The following TTC1 variants were observed in gnomAD, a reference collection of about 807,000 sequenced individuals.
The protein encoded by TTC1 is tetratricopeptide repeat protein 1.
TTC1 carries 31 observed loss-of-function variants against 37.6 expected under a neutral mutation model. The ratio of observed to expected loss-of-function variants is 0.82; its 90% CI spans 0.62 to 1.11. The LOEUF is 1.11. Ranked by LOEUF, TTC1 falls within the 50% of genes most tolerant of loss-of-function variation. The probability of loss-of-function intolerance (pLI) is 0.00; values close to 1 mark genes in which losing one functional copy is unlikely to be tolerated. For synonymous variants in TTC1, 127 were observed against 122.4 expected (o/e 1.04, Z -0.25); for missense variants, 351 against 339.0 (o/e 1.04, Z -0.28).
intron 2 of TTC1, 45 bp from the exon 3 acceptor site, chr5:160,035,093 TTA>T (rs1561630826): frequency 6.6e-7 from 1 of 1,522,060 alleles, no homozygotes; most frequent in East Asian, 2.4e-5. Flanking sequence ...TTTTGTTCAC[TTA>T]TAATAATATT....
intron 2 of TTC1, among the ~76,000 whole-genome samples, chr5:160,015,449 T>G (rs1756583786): frequency 6.6e-6 from 1 of 152,144 alleles, no homozygotes; most frequent in Non-Finnish European, 1.5e-5. Flanking sequence ...TCAAGCAATA[T>G]TCCCATCTCA....
intron 4 of TTC1, among the ~76,000 whole-genome samples, chr5:160,038,185 A>G (rs1757028962): frequency 6.6e-6 from 1 of 152,168 alleles, no homozygotes; most frequent in African/African-American, 2.4e-5. Flanking sequence ...ATTTTATAGT[A>G]TACAAACCAA....
chr5:160,046,523 C>G (rs980816799), intron 5 of TTC1, among the ~76,000 whole-genome samples: 1 of 152,052 alleles, frequency 6.6e-6, no homozygotes, highest in Non-Finnish European at 1.5e-5. Context: ...CCTAAGTGAT[C>G]TCATTCAGTT....
chr5:160,059,091 C>T (rs1245862225), intron 7 of TTC1, among the ~76,000 whole-genome samples: 1 of 152,182 alleles, frequency 6.6e-6, no homozygotes, highest in Non-Finnish European at 1.5e-5. Flanking sequence ...GCTGTATTAT[C>T]GCCTAACAAG....
chr5:160,021,365 A>G (rs1274081625), intron 2 of TTC1, among the ~76,000 whole-genome samples: 1 of 152,232 alleles, frequency 6.6e-6, no homozygotes, highest in Non-Finnish European at 1.5e-5. Context: ...GAAGAACTGA[A>G]TAGGAGGTTT....
At chr5:160,013,224 T>C (rs953224098) in intron 2 of TTC1, among the ~76,000 whole-genome samples, 1 of 152,188 alleles carries the variant, frequency 6.6e-6, no homozygotes, top group Non-Finnish European at 1.5e-5. Context: ...ACTACTCTTA[T>C]TAGGTGTTTG....
At chr5:160,011,096 T>C (rs1756494729) in intron 2 of TTC1, among the ~76,000 whole-genome samples, 1 of 152,262 alleles carries the variant, frequency 6.6e-6, no homozygotes, top group African/African-American at 2.4e-5. Context: ...TATGTTCATC[T>C]TGTACTTCAG....
At chr5:160,045,558 T>TCTCC (rs1359973493) in intron 5 of TTC1, among the ~76,000 whole-genome samples, 1 of 63,594 alleles carries the variant, frequency 1.6e-5, no homozygotes, top group African/African-American at 6.3e-5. Context: ...TCTCTCCCCC[T>TCTCC]CCCCTCTCTC....
intron 7 of TTC1, among the ~76,000 whole-genome samples, chr5:160,055,287 C>T (rs755401049): frequency 3.9e-5 from 6 of 152,312 alleles, no homozygotes; most frequent in African/African-American, 1.4e-4. Context: ...GATCTGTCAT[C>T]TCAGCTTATT....
intron 2 of TTC1, among the ~76,000 whole-genome samples, chr5:160,012,561 G>A (rs999391190): frequency 6.6e-6 from 1 of 151,920 alleles, no homozygotes; most frequent in African/African-American, 2.4e-5. Flanking sequence ...TAGAGACAGT[G>A]TCTCACCATG....
chr5:160,020,541 C>T (rs950608952), intron 2 of TTC1, among the ~76,000 whole-genome samples: 4 of 152,220 alleles, frequency 2.6e-5, no homozygotes, highest in Admixed American at 6.5e-5. Context: ...AGGAAGTGAG[C>T]AGCAGGCTAG....
At chr5:160,017,765 G>C (rs1369552746) in intron 2 of TTC1, among the ~76,000 whole-genome samples, 1 of 152,152 alleles carries the variant, frequency 6.6e-6, no homozygotes, top group East Asian at 1.9e-4. Context: ...TTAAATAGCT[G>C]TTGAATGAAT....
rs113876008 is a variant in TTC1 at position 160,018,452 on chromosome 5, G to A, written c.330+7594G>A. On this transcript the variant is annotated intron_variant, in intron 2 of 7. Transcript: ENST00000231238. ...ACTGGGAGCAGCCAAATGTGTGACC[G>A]TCTGAGAGGGAAGCATTGCAGACAA... 8.9e-3 allele frequency among the ~76,000 whole-genome samples: 1,357 copies of A among 152,252 alleles called. 18 individuals carry two copies. The highest frequency in any genetic ancestry group is 0.031 in the African/African-American group (1,271 of 41,532).
intron 5 of TTC1, among the ~76,000 whole-genome samples, chr5:160,047,499 C>A (rs1013283279): frequency 1.3e-5 from 2 of 152,178 alleles, no homozygotes; most frequent in Non-Finnish European, 2.9e-5. Flanking sequence ...TCATCTGGAC[C>A]ACTGCATTAG....
rs149330994 is a variant in TTC1, at chr5:160,022,240, A to G, written c.330+11382A>G. 3.9e-3 allele frequency among the ~76,000 whole-genome samples: 587 copies of G among 152,274 alleles called. 3 individuals carry two copies. The highest frequency in any genetic ancestry group is 0.013 in the African/African-American group (542 of 41,540). On this transcript the variant is annotated intron_variant, in intron 2 of 7. Coordinates refer to ENST00000231238, the MANE Select transcript of TTC1 (RefSeq NM_003314.3). ...TCAAAGTCAAGTGTGTTTATGTTGTATTCACTGACCTAAAGTAAAAGAAAT... is the reference window on the plus strand; with the variant it reads ...TCAAAGTCAAGTGTGTTTATGTTGTGTTCACTGACCTAAAGTAAAAGAAAT...
chr5:160,028,273 T>C (rs1377556976), intron 2 of TTC1, among the ~76,000 whole-genome samples: 4 of 137,146 alleles, frequency 2.9e-5, no homozygotes, highest in African/African-American at 1.1e-4. Flanking sequence ...CACTCCAGCA[T>C]AGGCGACAGA....
At position 160,010,555 on chromosome 5, in the gene TTC1, G is replaced by A; in HGVS notation, c.27G>A (p.Gly9=). 1.9e-6 allele frequency: 3 copies of A among 1,613,912 alleles called. No individual in the cohort carries two copies. Among genetic ancestry groups the A allele is most frequent in the East Asian group, 4.5e-5 (2 of 44,866 alleles). The change falls in exon 2 of 8, where the codon GGG becomes GGA. Residue 9 remains glycine, a synonymous_variant. Coordinates refer to ENST00000231238, the MANE Select transcript of TTC1 (RefSeq NM_003314.3). MGEKSENC[G]VPEDLLNGLK... is the part of the protein sequence containing the mutation. ...TGGGGGAGAAGTCAGAGAACTGTGG[G>A]GTTCCAGAGGATCTGTTAAATGGTT...
chr5:160,060,116 G>A (rs2113417512), intron 7 of TTC1, among the ~76,000 whole-genome samples: 1 of 152,324 alleles, frequency 6.6e-6, no homozygotes, highest in African/African-American at 2.4e-5. Flanking sequence ...TGCCTCACAG[G>A]AGGAAATGTG....
intron 7 of TTC1, among the ~76,000 whole-genome samples, chr5:160,060,635 C>G (rs1257993896): frequency 6.6e-6 from 1 of 152,190 alleles, no homozygotes. Context: ...GCACATGATC[C>G]TATTTGGATA....
Sources: allele counts gnomAD v4.1 joint callset (sites outside exome capture counted in the v4.1 genomes callset), GRCh38; gene constraint gnomAD v4.1.1; transcripts MANE v1.5; gene names NCBI Gene and HGNC (gene_info 2026-07-23, HGNC 2026-07-21).